Variants in NKAIN2 observed in about 807,000 individuals in gnomAD.
NKAIN2 encodes sodium/potassium-transporting ATPase subunit beta-1-interacting protein 2.
In NKAIN2, 14 loss-of-function variants were observed where a neutral mutation model predicts 32.6. That is an observed-to-expected ratio of 0.43 (90% CI 0.28 to 0.67). NKAIN2 has a LOEUF of 0.67. Among genes scored for constraint, NKAIN2 ranks in the 30% least tolerant of loss-of-function variants. The pLI is 0.17. For missense variants in NKAIN2, 198 were observed against 258.3 expected (o/e 0.77, Z 1.60); for synonymous variants, 80 against 87.2 (o/e 0.92, Z 0.46).
chr6:123,976,362 T>TTC (rs1445140493), intron 1 of NKAIN2, among the ~76,000 whole-genome samples: 1 of 26,702 alleles, frequency 3.7e-5, no homozygotes, highest in African/African-American at 1.7e-4. Context: ...TATATATATA[T>TTC]ATATATTCCC....
intron 3 of NKAIN2, among the ~76,000 whole-genome samples, chr6:124,536,457 T>A (rs1019749488): frequency 1.4e-4 from 22 of 152,050 alleles, no homozygotes; most frequent in Admixed American, 1.4e-3. Flanking sequence ...TCCACAGATG[T>A]TCTAGGGGGT....
At chr6:123,897,797 C>T (rs935982455) in intron 1 of NKAIN2, among the ~76,000 whole-genome samples, 6 of 152,276 alleles carry the variant, frequency 3.9e-5, no homozygotes, top group Middle Eastern at 3.4e-3. Flanking sequence ...CTGGCTTCAA[C>T]TTACCCTCTT....
At chr6:124,094,229 G>A (rs998296441) in intron 1 of NKAIN2, among the ~76,000 whole-genome samples, 4 of 152,088 alleles carry the variant, frequency 2.6e-5, no homozygotes, top group Admixed American at 6.6e-5. Context: ...TGGAGAATTA[G>A]AGATTTGTTC....
chr6:124,567,574 C>T (rs573192174), intron 3 of NKAIN2, among the ~76,000 whole-genome samples: 1 of 152,272 alleles, frequency 6.6e-6, no homozygotes, highest in South Asian at 2.1e-4. Context: ...GCTGCAAAAA[C>T]AATTAACCAT....
rs549624017 is a variant in NKAIN2 at position 124,740,196 on chromosome 6, T to C, written c.475-51143T>C. ...TGTATGATTTAAGTATGGTATTAAC[T>C]AGGGAAGGAATTCTAATGGTGAGGA... On this transcript the variant is annotated intron_variant, in intron 4 of 6. Coordinates refer to ENST00000368417, the MANE Select transcript of NKAIN2 (RefSeq NM_001040214.3). Among the ~76,000 whole-genome samples, 47 of 151,810 alleles carry C rather than the reference T, an allele frequency of 3.1e-4. 1 individual carries two copies. The South Asian group carries it at 8.9e-3, about 29-fold the overall frequency.
In NKAIN2 at chr6:124,268,379, G is replaced by A. The variant is rs1582957668; in HGVS notation, c.55-14626G>A. On this transcript the variant is annotated intron_variant, in intron 1 of 6. Coordinates refer to ENST00000368417, the MANE Select transcript of NKAIN2 (RefSeq NM_001040214.3). ...AAATTGGACCCCTTAAAGAAATTTAGCATTCTATTTTTTTCTCCCAATAGT... is the reference window on the plus strand; with the variant it reads ...AAATTGGACCCCTTAAAGAAATTTAACATTCTATTTTTTTCTCCCAATAGT... Among the ~76,000 whole-genome samples the A allele has an allele frequency of 2.0e-5, 3 of 152,118 alleles. No individual in the cohort carries two copies. In the East Asian group the frequency reaches 5.8e-4, roughly 29 times the overall value.
chr6:124,584,003 TAC>T (rs1303312383), intron 3 of NKAIN2, among the ~76,000 whole-genome samples: 1 of 152,192 alleles, frequency 6.6e-6, no homozygotes, highest in Non-Finnish European at 1.5e-5. Context: ...CAAAATGGAT[TAC>T]AGTCTTAAAT....
intron 3 of NKAIN2, among the ~76,000 whole-genome samples, chr6:124,486,073 T>C (rs1170172543): frequency 6.6e-6 from 1 of 152,208 alleles, no homozygotes; most frequent in Non-Finnish European, 1.5e-5. Context: ...TTAGCTCCTA[T>C]CCAGTTTTCT....
chr6:124,038,031 G>GT (rs1012006771), intron 1 of NKAIN2, among the ~76,000 whole-genome samples: 7 of 152,120 alleles, frequency 4.6e-5, no homozygotes, highest in African/African-American at 1.7e-4. Flanking sequence ...TATGAATTCC[G>GT]TAAGTTGTCT....
At chr6:124,437,010 T>A (rs332616) in intron 3 of NKAIN2, among the ~76,000 whole-genome samples, 46,052 of 151,920 alleles carry the variant, frequency 0.3, 7,599 homozygotes, top group African/African-American at 0.43. Context: ...CTTTTTCACT[T>A]TTGGTTTCTG....
intron 1 of NKAIN2, among the ~76,000 whole-genome samples, chr6:123,949,676 T>G (rs1367075074): frequency 1.3e-5 from 2 of 152,068 alleles, no homozygotes; most frequent in Non-Finnish European, 2.9e-5. Context: ...ACTGACTTAT[T>G]TATCGGTTTA....
At chr6:124,656,982 CA>C (rs1178153380) in intron 3 of NKAIN2, among the ~76,000 whole-genome samples, 1 of 151,784 alleles carries the variant, frequency 6.6e-6, no homozygotes, top group Non-Finnish European at 1.5e-5. Context: ...AACAGGCTTG[CA>C]AAAAAAAGAG....
intron 1 of NKAIN2, among the ~76,000 whole-genome samples, chr6:123,883,411 C>T (rs563514870): frequency 1.2e-3 from 181 of 152,246 alleles, no homozygotes; most frequent in Non-Finnish European, 2.1e-3. Context: ...TCCCAAAGTG[C>T]TGGGATTACA....
chr6:124,547,832 A>G (rs890546688), intron 3 of NKAIN2, among the ~76,000 whole-genome samples: 104 of 152,272 alleles, frequency 6.8e-4, no homozygotes, highest in African/African-American at 2.4e-3. Context: ...TTATGGTGCC[A>G]CCAGTCCAAT....
intron 4 of NKAIN2, among the ~76,000 whole-genome samples, chr6:124,672,088 A>G (rs954880134): frequency 1.3e-5 from 2 of 152,062 alleles, no homozygotes; most frequent in African/African-American, 4.8e-5. Flanking sequence ...GTCTTCTACC[A>G]CTTACTAGAT....
intron 1 of NKAIN2, among the ~76,000 whole-genome samples, chr6:124,204,515 C>T (rs1313090293): frequency 6.6e-6 from 1 of 151,682 alleles, no homozygotes; most frequent in Admixed American, 6.6e-5. Context: ...CTTTTGATTA[C>T]CACATTAAGT....
chr6:124,300,577 CAGA>C (rs1230461848), intron 2 of NKAIN2, among the ~76,000 whole-genome samples: 1 of 152,142 alleles, frequency 6.6e-6, no homozygotes, highest in Non-Finnish European at 1.5e-5. Context: ...TCAGAAGTCT[CAGA>C]AGAAGATAAG....
intron 1 of NKAIN2, among the ~76,000 whole-genome samples, chr6:124,006,411 G>T (rs574515645): frequency 6.6e-6 from 1 of 152,242 alleles, no homozygotes; most frequent in Non-Finnish European, 1.5e-5. Flanking sequence ...TCAGGGGTTA[G>T]GATAAGGGCG....
rs117239538 is a variant in NKAIN2, at chr6:124,670,180, T to A, written c.474+11794T>A. Among the ~76,000 whole-genome samples the A allele has an allele frequency of 2.1e-3, 313 of 152,252 alleles. 8 individuals are homozygous for A. In the East Asian group the frequency reaches 0.052, roughly 25 times the overall value. On this transcript the variant is annotated intron_variant, in intron 4 of 6. Coordinates refer to ENST00000368417, the MANE Select transcript of NKAIN2 (RefSeq NM_001040214.3). ...ACTTGATTGCTAGAAGCCAATATTT[T>A]TCCAAGTGTTTCTAGAAAATCACTG... is the stretch of plus-strand genomic sequence containing the variant.
Sources: allele counts gnomAD v4.1 joint callset (sites outside exome capture counted in the v4.1 genomes callset), GRCh38; gene constraint gnomAD v4.1.1; transcripts MANE v1.5; gene names NCBI Gene and HGNC (gene_info 2026-07-23, HGNC 2026-07-21).